Variants in PCDH9 observed in about 807,000 individuals in gnomAD.
PCDH9 encodes the protein protocadherin 9, also known as protocadherin-9.
A neutral mutation model predicts 70.6 loss-of-function variants in PCDH9; 24 were observed. The observed-to-expected ratio is 0.34, with a 90% CI of 0.25 to 0.48. The LOEUF (loss-of-function observed/expected upper bound fraction) is 0.48, where lower values mean the gene tolerates loss of function less well. PCDH9 is among the 20% of genes least tolerant of loss of function. The probability of loss-of-function intolerance (pLI) is 0.99; values close to 1 mark genes in which losing one functional copy is unlikely to be tolerated. For synonymous variants in PCDH9, 562 were observed against 558.5 expected, an observed-to-expected ratio of 1.01 and a Z score of -0.09; for missense variants, 1,281 against 1,503.6, an observed-to-expected ratio of 0.85 and a Z score of 2.45.
At chr13:66,641,264 A>C (rs2077704963) in intron 3 of PCDH9, among the ~76,000 whole-genome samples, 1 of 151,994 alleles carries the variant, frequency 6.6e-6, no homozygotes. Flanking sequence ...GGAATGATGT[A>C]CCCCTGTAGC....
chr13:66,419,161 A>G (rs1957516764), intron 4 of PCDH9, among the ~76,000 whole-genome samples: 1 of 152,078 alleles, frequency 6.6e-6, no homozygotes, highest in Non-Finnish European at 1.5e-5. Flanking sequence ...ACTATTCCAA[A>G]CAATAGAAAA....
intron 4 of PCDH9, among the ~76,000 whole-genome samples, chr13:66,319,998 C>A (rs1331264462): frequency 6.6e-6 from 1 of 151,618 alleles, no homozygotes; most frequent in Non-Finnish European, 1.5e-5. Context: ...ATATGCAAGC[C>A]AATTATTAAG....
In PCDH9 at chr13:66,596,915, C is replaced by G. The variant is rs2077111199; in HGVS notation, c.3340+34295G>C. On this transcript the variant is annotated intron_variant, in intron 4 of 4. Coordinates refer to ENST00000377865, the MANE Select transcript of PCDH9 (RefSeq NM_203487.3). ...TATTCTAAAAAGTTTATTGTTGTAC[C>G]TTTCTCATTTAGAGTTACCACCCAT... is the stretch of plus-strand genomic sequence containing the variant. Among the ~76,000 whole-genome samples, 3 of 147,944 alleles carry G rather than the reference C, an allele frequency of 2.0e-5. No homozygotes were observed. In the Admixed American group the frequency reaches 2.0e-4, roughly 10 times the overall value.
At chr13:66,658,701 T>C (rs2077965167) in intron 3 of PCDH9, among the ~76,000 whole-genome samples, 2 of 152,176 alleles carry the variant, frequency 1.3e-5, no homozygotes, top group Admixed American at 6.5e-5. Flanking sequence ...TATGATGTTG[T>C]AATTTAATTG....
intron 3 of PCDH9, among the ~76,000 whole-genome samples, chr13:66,746,607 A>C (rs531961836): frequency 5.3e-5 from 8 of 152,302 alleles, no homozygotes; most frequent in Middle Eastern, 3.4e-3. Context: ...ATACTTTGAG[A>C]AAAGTGAAAA....
chr13:66,882,293 T>C (rs2081934901), intron 3 of PCDH9, among the ~76,000 whole-genome samples: 1 of 152,182 alleles, frequency 6.6e-6, no homozygotes, highest in South Asian at 2.1e-4. Flanking sequence ...AATGAACTTC[T>C]CCTCCATAAA....
In PCDH9 at chr13:66,338,871, T is replaced by C. The variant is rs1292425981; in HGVS notation, c.3341-33843A>G. ...GCTTCTGCAGAGATGAAGTATTCTC[T>C]TGGTAGAAGAGAAAAAAAAAGAAGT... On this transcript the variant is annotated intron_variant, in intron 4 of 4. Coordinates refer to ENST00000377865, the MANE Select transcript of PCDH9 (RefSeq NM_203487.3). Among the ~76,000 whole-genome samples the C allele has an allele frequency of 4.1e-5, 3 of 73,124 alleles. No individual in the cohort carries two copies. In the Admixed American group the frequency reaches 5.6e-4, roughly 14 times the overall value. The allele number at this position is 73,124 out of a possible 152,430, so 48.0% of individuals were successfully genotyped here.
At chr13:67,202,585 A>C (rs985877183) in intron 2 of PCDH9, 1 of 152,172 alleles carries the variant, frequency 6.6e-6, no homozygotes, top group Admixed American at 6.6e-5. Flanking sequence ...CTTATTGGTC[A>C]GAATGAAAAG....
chr13:66,402,043 A>C (rs1282526734), intron 4 of PCDH9, among the ~76,000 whole-genome samples: 1 of 152,136 alleles, frequency 6.6e-6, no homozygotes, highest in Non-Finnish European at 1.5e-5. Context: ...GGGCAGGGAG[A>C]TATTAGAAGT....
chr13:67,063,786 G>T (rs568055981), intron 2 of PCDH9, among the ~76,000 whole-genome samples: 29 of 152,244 alleles, frequency 1.9e-4, no homozygotes, highest in Non-Finnish European at 2.9e-4. Flanking sequence ...AAAGGAATGA[G>T]CAGCCATAAC....
intron 4 of PCDH9, among the ~76,000 whole-genome samples, chr13:66,547,835 TAA>T (rs1198410404): frequency 2.0e-5 from 3 of 148,426 alleles, no homozygotes; most frequent in Non-Finnish European, 4.5e-5. Context: ...GTATATAAAT[TAA>T]GTCATAATAA....
chr13:66,335,401 A>T lies in PCDH9; in HGVS notation c.3341-30373T>A, dbSNP rs376752334. Reference sequence around the variant, plus strand: ...TTTCGTAGCTTGTTAGCTTGTTTAGATAATAACAGCAACACTCACAACCAA... The same window carrying T: ...TTTCGTAGCTTGTTAGCTTGTTTAGTTAATAACAGCAACACTCACAACCAA... On this transcript the variant is annotated intron_variant, in intron 4 of 4. Coordinates refer to ENST00000377865, the MANE Select transcript of PCDH9 (RefSeq NM_203487.3). 7.2e-5 allele frequency among the ~76,000 whole-genome samples: 11 copies of T among 152,142 alleles called. 1 individual carries two copies. The highest frequency in any genetic ancestry group is 6.6e-4 in the Admixed American group (10 of 15,240).
At chr13:66,369,072 T>G (rs1956602148) in intron 4 of PCDH9, among the ~76,000 whole-genome samples, 1 of 152,124 alleles carries the variant, frequency 6.6e-6, no homozygotes, top group South Asian at 2.1e-4. Context: ...ACTAAGAAAG[T>G]TCAAAGAGAT....
intron 2 of PCDH9, among the ~76,000 whole-genome samples, chr13:66,924,436 A>C (rs1173552015): frequency 1.3e-5 from 2 of 151,792 alleles, no homozygotes; most frequent in Admixed American, 6.6e-5. Context: ...CTTTGTACAT[A>C]TTTTCAATCA....
chr13:66,984,504 C>G (rs1184226193), intron 2 of PCDH9, among the ~76,000 whole-genome samples: 1 of 152,088 alleles, frequency 6.6e-6, no homozygotes, highest in East Asian at 1.9e-4. Flanking sequence ...TTGTTTTGAC[C>G]TAGGACAAAT....
intron 2 of PCDH9, among the ~76,000 whole-genome samples, chr13:66,993,792 GGATCA>G (rs1316612727): frequency 2.0e-5 from 3 of 152,048 alleles, no homozygotes; most frequent in African/African-American, 7.2e-5. Flanking sequence ...GAGATAAATG[GGATCA>G]GAATTCTATA....
chr13:66,395,106 T>G (rs1483342547), intron 4 of PCDH9, among the ~76,000 whole-genome samples: 10 of 152,188 alleles, frequency 6.6e-5, no homozygotes, highest in Admixed American at 6.5e-4. Context: ...ACATTAGTCC[T>G]CATACATGAG....
chr13:66,556,164 C>T (rs540742861), intron 4 of PCDH9, among the ~76,000 whole-genome samples: 5 of 151,668 alleles, frequency 3.3e-5, no homozygotes, highest in Non-Finnish European at 7.4e-5. Flanking sequence ...GTACTGAATG[C>T]CAGACATCTG....
chr13:66,381,653 G>T (rs927012581), intron 4 of PCDH9, among the ~76,000 whole-genome samples: 5 of 152,126 alleles, frequency 3.3e-5, no homozygotes, highest in Non-Finnish European at 7.4e-5. Flanking sequence ...AGTCAGTAAA[G>T]CAAACAAAGG....
Sources: allele counts gnomAD v4.1 joint callset (sites outside exome capture counted in the v4.1 genomes callset), GRCh38; gene constraint gnomAD v4.1.1; transcripts MANE v1.5; gene names NCBI Gene and HGNC (gene_info 2026-07-23, HGNC 2026-07-21).